The following FBXW2 variants were observed in gnomAD, a reference collection of about 807,000 sequenced individuals.
The protein encoded by FBXW2 is F-box/WD repeat-containing protein 2.
A neutral mutation model predicts 46.0 loss-of-function variants in FBXW2; 12 were observed. The observed-to-expected ratio is 0.26, with a 90% confidence interval of 0.17 to 0.42. FBXW2 has a LOEUF of 0.42. FBXW2 is among the 10% of genes least tolerant of loss of function. FBXW2 has a pLI of 1.00. For synonymous variants in FBXW2, 203 were observed against 209.6 expected, an observed-to-expected ratio of 0.97 and a Z score of 0.27; for missense variants, 360 against 537.0, an observed-to-expected ratio of 0.67 and a Z score of 3.26.
chr9:120,785,804 G>C (rs576067278), intron 3 of FBXW2, among the ~76,000 whole-genome samples: 7 of 152,146 alleles, frequency 4.6e-5, no homozygotes, highest in African/African-American at 1.2e-4. Flanking sequence ...TGGATCACCT[G>C]AGGTCAGGAG....
At chr9:120,785,058 G>A (rs1191472886) in intron 3 of FBXW2, among the ~76,000 whole-genome samples, 2 of 151,320 alleles carry the variant, frequency 1.3e-5, no homozygotes, top group Admixed American at 6.6e-5. Flanking sequence ...GCCCAGGCTG[G>A]AGTGCAGTGG....
intron 7 of FBXW2, among the ~76,000 whole-genome samples, chr9:120,768,110 T>A (rs2044307352): frequency 6.6e-6 from 1 of 152,252 alleles, no homozygotes; most frequent in Admixed American, 6.5e-5. Flanking sequence ...CAAATGTACC[T>A]GAGGCTCCTT....
At position 120,762,463 on chromosome 9, in the gene FBXW2, G is replaced by A. The variant is rs975832588; in HGVS notation, c.*2096C>T. The A allele has an allele frequency of 6.6e-6, 1 of 152,210 alleles. No homozygotes were observed. Among genetic ancestry groups the A allele is most frequent in the Non-Finnish European group, 1.5e-5 (1 of 68,044 alleles). The allele number at this position is 152,210 out of a possible 1,614,324, so 9.4% of individuals were successfully genotyped here. On this transcript the variant is annotated 3_prime_UTR_variant, in exon 8 of 8. Coordinates refer to ENST00000608872, the MANE Select transcript of FBXW2 (RefSeq NM_012164.4). ...GGTTCTATTTCTAGAGTACTAAGCA[G>A]AGCTGATGCACAGAACTCAATGTGA...
At chr9:120,768,308 C>T (rs150598601) in intron 7 of FBXW2, among the ~76,000 whole-genome samples, 31 of 152,308 alleles carry the variant, frequency 2.0e-4, no homozygotes, top group African/African-American at 7.5e-4. Context: ...AGGCTAGGCT[C>T]CTCTTAACCC....
chr9:120,769,971 AG>A (rs1333928538), intron 7 of FBXW2, among the ~76,000 whole-genome samples: 9 of 152,236 alleles, frequency 5.9e-5, no homozygotes, highest in Admixed American at 5.2e-4. Flanking sequence ...GTCTGATTCC[AG>A]GAAGACATAA....
Position 120,790,603 on chromosome 9 carries a change from T to TA in FBXW2, c.-20-2326dup, listed in dbSNP as rs1393501184. 5.9e-5 allele frequency among the ~76,000 whole-genome samples: 9 copies of TA among 152,324 alleles called. No individual in the cohort carries two copies. In the East Asian group the frequency reaches 1.7e-3, roughly 29 times the overall value. ...ACACATACATATATACACACATACA[T>TA]ACACATGCTGACACACATCTATTGT... On this transcript the variant is annotated intron_variant, in intron 2 of 7. Coordinates refer to ENST00000608872, the MANE Select transcript of FBXW2 (RefSeq NM_012164.4).
In FBXW2 at chr9:120,764,497, G is replaced by C. The variant is rs2044239906; in HGVS notation, c.*62C>G. On this transcript the variant is annotated 3_prime_UTR_variant, in exon 8 of 8. Coordinates refer to ENST00000608872, the MANE Select transcript of FBXW2 (RefSeq NM_012164.4). ...GGTTCATGCAGTCGGCTGCCGCAGA[G>C]GTTGCACCCAAAACCCGCAGCCCCG... is the stretch of plus-strand genomic sequence containing the variant. The C allele has an allele frequency of 1.9e-6, 3 of 1,550,912 alleles. No individual in the cohort carries two copies. Among genetic ancestry groups the C allele is most frequent in the South Asian group, 2.4e-5 (2 of 84,808 alleles).
intron 3 of FBXW2, among the ~76,000 whole-genome samples, chr9:120,782,908 GTATTA>G (rs2044646830): frequency 6.6e-6 from 1 of 152,066 alleles, no homozygotes; most frequent in South Asian, 2.1e-4. Context: ...ACTATATAGT[GTATTA>G]TATACTGTTT....
intron 3 of FBXW2, among the ~76,000 whole-genome samples, chr9:120,781,675 C>CACACACACACACACACACAT (rs761941263): frequency 6.8e-6 from 1 of 146,224 alleles, no homozygotes; most frequent in Non-Finnish European, 1.5e-5. Context: ...CACACACACA[C>CACACACACACACACACACAT]ATACACACAC....
intron 2 of FBXW2, among the ~76,000 whole-genome samples, chr9:120,788,896 T>C (rs1422874606): frequency 6.6e-6 from 1 of 152,098 alleles, no homozygotes; most frequent in Non-Finnish European, 1.5e-5. Context: ...GCCTCAGGAA[T>C]TCTGGTTCTT....
At chr9:120,780,754 C>A (rs905338697) in intron 3 of FBXW2, among the ~76,000 whole-genome samples, 20 of 152,134 alleles carry the variant, frequency 1.3e-4, no homozygotes, top group Non-Finnish European at 7.3e-5. Flanking sequence ...CTGTGTCAGG[C>A]AGGATTCTTG....
chr9:120,781,653 C>CAT, intron 3 of FBXW2, among the ~76,000 whole-genome samples: 1 of 151,546 alleles, frequency 6.6e-6, no homozygotes, highest in Admixed American at 6.6e-5. Flanking sequence ...CACACACACA[C>CAT]ACACACACAC....
chr9:120,786,804 C>T (rs1466683491), intron 3 of FBXW2, among the ~76,000 whole-genome samples: 2 of 152,148 alleles, frequency 1.3e-5, no homozygotes, highest in African/African-American at 4.8e-5. Context: ...TTATCTAACA[C>T]ATGGGCATTA....
At chr9:120,773,730 C>A (rs1044738039) in intron 5 of FBXW2, among the ~76,000 whole-genome samples, 1 of 152,198 alleles carries the variant, frequency 6.6e-6, no homozygotes, top group African/African-American at 2.4e-5. Context: ...TTGCTGGGTG[C>A]TGTCCCAACA....
chr9:120,786,937 C>G (rs1363838241), intron 3 of FBXW2, among the ~76,000 whole-genome samples: 1 of 152,182 alleles, frequency 6.6e-6, no homozygotes, highest in Non-Finnish European at 1.5e-5. Context: ...ATATCCAGCT[C>G]TCTCTGTTCC....
intron 3 of FBXW2, among the ~76,000 whole-genome samples, chr9:120,779,874 G>A (rs544412512): frequency 7.2e-5 from 11 of 152,228 alleles, no homozygotes; most frequent in South Asian, 4.1e-4. Flanking sequence ...ATGTTGGGCC[G>A]GGCGCAGTGG....
At chr9:120,781,232 G>C (rs2044605602) in intron 3 of FBXW2, among the ~76,000 whole-genome samples, 1 of 152,098 alleles carries the variant, frequency 6.6e-6, no homozygotes, top group African/African-American at 2.4e-5. Flanking sequence ...TCCACAGTTT[G>C]CCAATCCCTG....
chr9:120,764,501 G>A lies in FBXW2; in HGVS notation c.*58C>T. The A allele has an allele frequency of 3.8e-6, 6 of 1,560,286 alleles. No individual in the cohort carries two copies. Among genetic ancestry groups the A allele is most frequent in the Non-Finnish European group, 5.2e-6 (6 of 1,143,786 alleles). ...CATGCAGTCGGCTGCCGCAGAGGTT[G>A]CACCCAAAACCCGCAGCCCCGGCAC... On this transcript the variant is annotated 3_prime_UTR_variant, in exon 8 of 8. Transcript: ENST00000608872.
chr9:120,774,486 TG>T (rs770625154), intron 5 of FBXW2, among the ~76,000 whole-genome samples: 40 of 152,316 alleles, frequency 2.6e-4, no homozygotes, highest in Admixed American at 1.4e-3. Flanking sequence ...CATTCCAGCC[TG>T]GGCAACAGAA....
Sources: allele counts gnomAD v4.1 joint callset (sites outside exome capture counted in the v4.1 genomes callset), GRCh38; gene constraint gnomAD v4.1.1; transcripts MANE v1.5; gene names NCBI Gene and HGNC (gene_info 2026-07-23, HGNC 2026-07-21).